The following DACH1 variants were observed in gnomAD, a reference collection of about 807,000 sequenced individuals.
DACH1 encodes dachshund homolog 1.
Under a neutral mutation model 54.2 loss-of-function variants are expected in DACH1, and 12 were observed. That is an observed-to-expected ratio of 0.22 (90% CI 0.14 to 0.36). The LOEUF is 0.36. DACH1 is among the 10% of genes least tolerant of loss of function. The pLI is 1.00. For synonymous variants in DACH1, 386 were observed against 366.2 expected (o/e 1.05, Z -0.62); for missense variants, 805 against 929.8 (o/e 0.87, Z 1.75).
In DACH1 at chr13:71,482,591, A is replaced by T. The variant is rs553480393; in HGVS notation, c.1723-3275T>A. Among the ~76,000 whole-genome samples the T allele has an allele frequency of 2.0e-5, 3 of 152,312 alleles. No homozygotes were observed. The East Asian group carries it at 5.8e-4, about 29-fold the overall frequency. On this transcript the variant is annotated intron_variant, in intron 7 of 10. Transcript: ENST00000613252. ...AGATGAGAAAACCAAGATGCAGAAG[A>T]ATCAAGAGACTGACTGAAAATCCCA...
At chr13:71,534,316 C>T (rs989963140) in intron 6 of DACH1, among the ~76,000 whole-genome samples, 2 of 151,712 alleles carry the variant, frequency 1.3e-5, no homozygotes, top group Non-Finnish European at 2.9e-5. Context: ...TCAATAGCAA[C>T]AATAAAAGGA....
chr13:71,835,405 CTG>C (rs1262181301), intron 1 of DACH1, among the ~76,000 whole-genome samples: 1 of 152,076 alleles, frequency 6.6e-6, no homozygotes, highest in African/African-American at 2.4e-5. Flanking sequence ...ATGAGAAACT[CTG>C]TAATGCTTAT....
rs554358716 is a variant in DACH1 at position 71,809,658 on chromosome 13, T to G, written c.848+56264A>C. On this transcript the variant is annotated intron_variant, in intron 1 of 10. Coordinates refer to ENST00000613252, the MANE Select transcript of DACH1 (RefSeq NM_080759.6). Reference sequence around the variant, plus strand: ...TTATTTTTTCCAAAGAAGATAGTGTTGCCTTTTATATGGAACATAGTCTTA... The same window carrying G: ...TTATTTTTTCCAAAGAAGATAGTGTGGCCTTTTATATGGAACATAGTCTTA... Among the ~76,000 whole-genome samples, 24 of 152,336 alleles carry G rather than the reference T, an allele frequency of 1.6e-4. No homozygotes were observed. In the East Asian group the frequency reaches 4.6e-3, roughly 29 times the overall value.
chr13:71,577,615 T>C (rs1033428575), intron 3 of DACH1, among the ~76,000 whole-genome samples: 1 of 152,182 alleles, frequency 6.6e-6, no homozygotes, highest in African/African-American at 2.4e-5. Flanking sequence ...TTGTTCTTGT[T>C]GGAGACCACA....
At chr13:71,704,266 C>T (rs1352174127) in intron 1 of DACH1, 1 of 257,234 alleles carries the variant, frequency 3.9e-6, no homozygotes, top group Non-Finnish European at 7.7e-6. Context: ...CCTTTGGCCA[C>T]GAATATGCAA....
intron 10 of DACH1, among the ~76,000 whole-genome samples, chr13:71,460,539 T>C (rs574681715): frequency 3.9e-4 from 60 of 152,136 alleles, no homozygotes; most frequent in African/African-American, 1.4e-3. Context: ...GTGGTGTTGA[T>C]GCCCCATCCT....
chr13:71,608,338 A>G (rs1398840446), intron 3 of DACH1, among the ~76,000 whole-genome samples: 1 of 152,032 alleles, frequency 6.6e-6, no homozygotes. Context: ...AGATGTTATT[A>G]TGTCCATCAT....
At chr13:71,683,529 T>C (rs1026000124) in intron 1 of DACH1, among the ~76,000 whole-genome samples, 2 of 152,178 alleles carry the variant, frequency 1.3e-5, no homozygotes, top group Non-Finnish European at 2.9e-5. Flanking sequence ...ATTGAGACTT[T>C]CAGAGTTATT....
intron 1 of DACH1, among the ~76,000 whole-genome samples, chr13:71,779,290 T>TAC (rs1886264349): frequency 7.6e-6 from 1 of 132,276 alleles, no homozygotes; most frequent in South Asian, 2.2e-4. Flanking sequence ...TACGTATATA[T>TAC]ACACATATAT....
chr13:71,693,867 T>C (rs1371661891), intron 1 of DACH1, among the ~76,000 whole-genome samples: 1 of 152,166 alleles, frequency 6.6e-6, no homozygotes. Context: ...TTAGGTACTA[T>C]CACACTTGCA....
At chr13:71,457,682 T>C (rs1341951845) in intron 10 of DACH1, among the ~76,000 whole-genome samples, 1 of 152,032 alleles carries the variant, frequency 6.6e-6, no homozygotes, top group African/African-American at 2.4e-5. Context: ...CTTATTACTG[T>C]CTTTTCTTTG....
intron 6 of DACH1, among the ~76,000 whole-genome samples, chr13:71,504,902 T>C (rs1009371676): frequency 4.0e-4 from 61 of 152,328 alleles, no homozygotes; most frequent in African/African-American, 1.4e-3. Context: ...GTGTCTCCTA[T>C]ACCTTGAATG....
intron 2 of DACH1, among the ~76,000 whole-genome samples, chr13:71,655,446 C>A (rs1201021788): frequency 6.6e-6 from 1 of 151,208 alleles, no homozygotes; most frequent in African/African-American, 2.4e-5. Context: ...TCTCGGCTCA[C>A]CGCAACCTCT....
intron 3 of DACH1, among the ~76,000 whole-genome samples, chr13:71,575,588 C>T (rs1885479283): frequency 6.6e-6 from 1 of 152,006 alleles, no homozygotes; most frequent in South Asian, 2.1e-4. Flanking sequence ...AAAATATTAT[C>T]TTAAAATTCT....
intron 2 of DACH1, among the ~76,000 whole-genome samples, chr13:71,666,280 T>A (rs1251164179): frequency 6.6e-6 from 1 of 152,164 alleles, no homozygotes. Flanking sequence ...GCTTTATAAA[T>A]GCAAGAATAT....
chr13:71,736,390 G>A (rs1452456210), intron 1 of DACH1, among the ~76,000 whole-genome samples: 1 of 151,826 alleles, frequency 6.6e-6, no homozygotes, highest in East Asian at 1.9e-4. Context: ...TGAACATATG[G>A]GCAATTTTAT....
At chr13:71,671,482 A>G (rs1880202082) in intron 2 of DACH1, among the ~76,000 whole-genome samples, 1 of 152,096 alleles carries the variant, frequency 6.6e-6, no homozygotes, top group African/African-American at 2.4e-5. Flanking sequence ...TTAACTAGAA[A>G]GACACCATGT....
At chr13:71,704,006 G>A in intron 1 of DACH1, among the ~76,000 whole-genome samples, 1 of 152,100 alleles carries the variant, frequency 6.6e-6, no homozygotes, top group Non-Finnish European at 1.5e-5. Flanking sequence ...AAAATAGAGT[G>A]ATAAAAATTC....
chr13:71,456,004 C>T (rs186306413), intron 10 of DACH1, among the ~76,000 whole-genome samples: 17 of 152,112 alleles, frequency 1.1e-4, no homozygotes, highest in Non-Finnish European at 1.9e-4. Context: ...CAAAAAAAGG[C>T]AAAATGTCCT....
Sources: allele counts gnomAD v4.1 joint callset (sites outside exome capture counted in the v4.1 genomes callset), GRCh38; gene constraint gnomAD v4.1.1; transcripts MANE v1.5; gene names NCBI Gene and HGNC (gene_info 2026-07-23, HGNC 2026-07-21).